Variants in ZDHHC3 observed in about 807,000 individuals in gnomAD.
The protein encoded by ZDHHC3 is palmitoyltransferase ZDHHC3.
In ZDHHC3, 9 loss-of-function variants were observed where a neutral mutation model predicts 30.6. That is an observed-to-expected ratio of 0.29 (90% CI 0.18 to 0.51). The LOEUF (loss-of-function observed/expected upper bound fraction) is 0.51, where lower values mean the gene tolerates loss of function less well. Ranked by LOEUF, ZDHHC3 falls within the 20% of genes least tolerant of loss-of-function variation. The pLI is 0.97. For synonymous variants in ZDHHC3, 136 were observed against 140.2 expected (o/e 0.97, Z 0.21); for missense variants, 246 against 384.2 (o/e 0.64, Z 3.01).
intron 1 of ZDHHC3, among the ~76,000 whole-genome samples, chr3:44,965,476 C>T (rs1380073687): frequency 1.3e-5 from 2 of 152,138 alleles, no homozygotes; most frequent in Non-Finnish European, 2.9e-5. Context: ...AGCTCTCAGG[C>T]CCCATCCCAC....
At chr3:44,972,290 C>T (rs1044695644) in intron 1 of ZDHHC3, among the ~76,000 whole-genome samples, 5 of 152,202 alleles carry the variant, frequency 3.3e-5, no homozygotes, top group Non-Finnish European at 5.9e-5. Flanking sequence ...TGGCCAAACC[C>T]AGTCTCTACC....
Position 44,920,048 on chromosome 3 carries a change from G to T in ZDHHC3, c.*6641C>A. 3 of 1,176,662 alleles carry T rather than the reference G, an allele frequency of 2.5e-6. No homozygotes were observed. Among genetic ancestry groups the T allele is most frequent in the Non-Finnish European group, 2.1e-6 (2 of 932,832 alleles). The allele number at this position is 1,176,662 out of a possible 1,614,324, so 72.9% of individuals were successfully genotyped here. ...ATTTGTCTGAGTGGTTACTTTTGGG[G>T]ATGGAATTCTAGAGGATTTGTATTT... On this transcript the variant is annotated 3_prime_UTR_variant, in exon 7 of 7. Coordinates refer to ENST00000424952, the MANE Select transcript of ZDHHC3 (RefSeq NM_001135179.2).
Position 44,926,468 on chromosome 3 carries a change from G to A in ZDHHC3, c.*221C>T, listed in dbSNP as rs1378910547. ...GAAGTGATTTTAAAAGGAAAAGAGA[G>A]CAGCTTCGGTCACCAAAAGAAATCG... On this transcript the variant is annotated 3_prime_UTR_variant, in exon 7 of 7. Transcript: ENST00000424952. 10 of 1,276,936 alleles carry A rather than the reference G, an allele frequency of 7.8e-6. No homozygotes were observed. Among genetic ancestry groups the A allele is most frequent in the Non-Finnish European group, 9.9e-6 (10 of 1,014,916 alleles). The allele number at this position is 1,276,936 out of a possible 1,614,324, so 79.1% of individuals were successfully genotyped here.
intron 2 of ZDHHC3, among the ~76,000 whole-genome samples, chr3:44,948,963 A>AT (rs1037364371): frequency 1.3e-5 from 2 of 152,254 alleles, no homozygotes; most frequent in African/African-American, 2.4e-5. Context: ...CAAGGAGGCA[A>AT]TGAGAAAGTC....
At chr3:44,973,436 C>T (rs1315386821) in intron 1 of ZDHHC3, among the ~76,000 whole-genome samples, 1 of 152,120 alleles carries the variant, frequency 6.6e-6, no homozygotes, top group African/African-American at 2.4e-5. Context: ...AGGGCTGTTG[C>T]AAGGATTGAA....
At chr3:44,958,444 C>G in intron 2 of ZDHHC3, 1 of 757,938 alleles carries the variant, frequency 1.3e-6, no homozygotes, top group Admixed American at 2.1e-5. Flanking sequence ...ATAATGTATT[C>G]TCTTGCTTTT....
rs546309101 is a variant in ZDHHC3 at position 44,930,134 on chromosome 3, C to T, written c.611-698G>A. Among the ~76,000 whole-genome samples the T allele has an allele frequency of 1.2e-4, 19 of 152,356 alleles. No homozygotes were observed. In the South Asian group the frequency reaches 2.1e-3, roughly 17 times the overall value. On this transcript the variant is annotated intron_variant, in intron 5 of 6. Coordinates refer to ENST00000424952, the MANE Select transcript of ZDHHC3 (RefSeq NM_001135179.2). ...CTTTCACTGTCCTGGCCTCCAGCCC[C>T]GGGGACCTGAGGCCAGTCCTGCCAT...
chr3:44,951,575 G>GA (rs1703453777), intron 2 of ZDHHC3, among the ~76,000 whole-genome samples: 1 of 152,176 alleles, frequency 6.6e-6, no homozygotes, highest in Admixed American at 6.5e-5. Flanking sequence ...CACTGTCTTG[G>GA]AAGATGAGGC....
intron 6 of ZDHHC3, among the ~76,000 whole-genome samples, chr3:44,928,018 G>A (rs565760112): frequency 1.3e-5 from 2 of 152,338 alleles, no homozygotes; most frequent in East Asian, 1.9e-4. Flanking sequence ...GACTGGGGCC[G>A]TGAGAGCTTG....
intron 2 of ZDHHC3, among the ~76,000 whole-genome samples, chr3:44,947,192 T>C (rs1354497377): frequency 2.0e-5 from 3 of 152,136 alleles, no homozygotes; most frequent in Admixed American, 2.0e-4. Context: ...TGGTAAGTGG[T>C]GGCACGTCAA....
At chr3:44,940,057 G>C (rs1702310792) in intron 3 of ZDHHC3, among the ~76,000 whole-genome samples, 1 of 152,188 alleles carries the variant, frequency 6.6e-6, no homozygotes. Context: ...GAGCAACCAA[G>C]GACAGGGACC....
intron 1 of ZDHHC3, among the ~76,000 whole-genome samples, chr3:44,975,719 T>TCACGACG (rs1265494678): frequency 4.0e-5 from 6 of 150,426 alleles, no homozygotes; most frequent in Admixed American, 4.0e-4. Context: ...CCCGGGCCAA[T>TCACGACG]CACGACGTCC....
intron 3 of ZDHHC3, among the ~76,000 whole-genome samples, chr3:44,939,793 G>A (rs1702282825): frequency 6.6e-6 from 1 of 152,216 alleles, no homozygotes; most frequent in South Asian, 2.1e-4. Context: ...GTCTCGCTGG[G>A]CTTCCAAATT....
intron 1 of ZDHHC3, among the ~76,000 whole-genome samples, chr3:44,973,519 C>T (rs373637893): frequency 6.6e-5 from 10 of 152,154 alleles, no homozygotes; most frequent in African/African-American, 1.7e-4. Flanking sequence ...AGTGCAATGG[C>T]GTGATCTCAG....
At chr3:44,932,315 G>T (rs961830603) in intron 5 of ZDHHC3, among the ~76,000 whole-genome samples, 2 of 152,040 alleles carry the variant, frequency 1.3e-5, no homozygotes, top group Non-Finnish European at 2.9e-5. Context: ...TTTGACTTAT[G>T]CCAGAATTGT....
At position 44,936,131 on chromosome 3, in the gene ZDHHC3, C is replaced by T. The variant is rs116840328; in HGVS notation, c.432-2147G>A. Among the ~76,000 whole-genome samples the T allele has an allele frequency of 4.9e-3, 748 of 152,260 alleles. 5 individuals are homozygous for T. The highest frequency in any genetic ancestry group is 0.017 in the African/African-American group (720 of 41,542). ...ATGCATCTGACAAAGGTCTAATTATCTGGCAACTATAAGGAAATTAAACAA... is the reference window on the plus strand; with the variant it reads ...ATGCATCTGACAAAGGTCTAATTATTTGGCAACTATAAGGAAATTAAACAA... On this transcript the variant is annotated intron_variant, in intron 3 of 6. Transcript: ENST00000424952.
In ZDHHC3 at chr3:44,925,325, C is replaced by A; in HGVS notation, c.*1364G>T. ...AGGATTGAATAAACCTTAACTCCTA[C>A]CCCCACCCCAAGCAAAAGCTAAAAA... On this transcript the variant is annotated 3_prime_UTR_variant, in exon 7 of 7. Transcript: ENST00000424952. 8 of 985,868 alleles carry A rather than the reference C, an allele frequency of 8.1e-6. No homozygotes were observed. Among genetic ancestry groups the A allele is most frequent in the Non-Finnish European group, 9.6e-6 (8 of 829,932 alleles). 61.1% of individuals were successfully genotyped at this position (985,868 alleles called of 1,614,324 possible). A position where few individuals can be genotyped will look rare whatever the true frequency, so the allele number is the denominator to read the frequency against.
rs1700270404 is a variant in ZDHHC3, at chr3:44,917,612, G to A, written c.*9077C>T. ...GGGCGGAGAATGTGAAAGCCACCCA[G>A]TCTTGGAGAACGGTTCTTGATGAGC... is the stretch of plus-strand genomic sequence containing the variant. On this transcript the variant is annotated 3_prime_UTR_variant, in exon 7 of 7. Coordinates refer to ENST00000424952, the MANE Select transcript of ZDHHC3 (RefSeq NM_001135179.2). 3.5e-6 allele frequency: 1 copy of A among 285,006 alleles called. No homozygotes were observed. Among genetic ancestry groups the A allele is most frequent in the African/African-American group, 2.2e-5 (1 of 45,806 alleles). 17.7% of individuals were successfully genotyped at this position (285,006 alleles called of 1,614,324 possible). A position where few individuals can be genotyped will look rare whatever the true frequency, so the allele number is the denominator to read the frequency against.
rs1321648060 is a variant in ZDHHC3 at position 44,921,894 on chromosome 3, T to C, written c.*4795A>G. 1.0e-5 allele frequency: 10 copies of C among 985,312 alleles called. No homozygotes were observed. Among genetic ancestry groups the C allele is most frequent in the Non-Finnish European group, 1.2e-5 (10 of 829,936 alleles). 61.0% of individuals were successfully genotyped at this position (985,312 alleles called of 1,614,324 possible). On this transcript the variant is annotated 3_prime_UTR_variant, in exon 7 of 7. Transcript: ENST00000424952. ...GCATCCTTATGTCCGTGTTAGAGCATGTGCGGCCCCTAGAAGGCTTTTAGC... is the reference window on the plus strand; with the variant it reads ...GCATCCTTATGTCCGTGTTAGAGCACGTGCGGCCCCTAGAAGGCTTTTAGC...
Sources: gnomAD v4.1 joint callset for allele counts (sites outside exome capture counted in the v4.1 genomes callset) on GRCh38, gnomAD v4.1.1 for gene constraint, MANE v1.5 for transcripts, NCBI Gene and HGNC (gene_info 2026-07-23, HGNC 2026-07-21) for gene names.